The following CDC42BPA variants were observed in gnomAD, a reference collection of about 807,000 sequenced individuals.
The protein encoded by CDC42BPA is CDC42 binding protein kinase alpha, also known as serine/threonine-protein kinase MRCK alpha.
CDC42BPA carries 80 observed loss-of-function variants against 223.5 expected under a neutral mutation model. That is an observed-to-expected ratio of 0.36 (90% CI 0.30 to 0.43). CDC42BPA has a LOEUF of 0.43. Among genes scored for constraint, CDC42BPA ranks in the 20% least tolerant of loss-of-function variants. The probability of loss-of-function intolerance (pLI) is 1.00; values close to 1 mark genes in which losing one functional copy is unlikely to be tolerated. For missense variants in CDC42BPA, 1,743 were observed against 2,099.9 expected (o/e 0.83, Z 3.32); for synonymous variants, 694 against 718.6 (o/e 0.97, Z 0.55).
intron 2 of CDC42BPA, among the ~76,000 whole-genome samples, chr1:227,237,179 G>C (rs1415030984): frequency 6.6e-6 from 1 of 152,060 alleles, no homozygotes; most frequent in Non-Finnish European, 1.5e-5. Flanking sequence ...ATTATCTGGG[G>C]AAGTTTAAGT....
chr1:227,196,009 C>T (rs1269879587), intron 4 of CDC42BPA, among the ~76,000 whole-genome samples: 4 of 151,978 alleles, frequency 2.6e-5, no homozygotes, highest in African/African-American at 9.7e-5. Flanking sequence ...TCAATAGTCA[C>T]TAGGGAAATG....
rs547171108 is a variant in CDC42BPA, at chr1:227,264,655, T to G, written c.179-10500A>C. On this transcript the variant is annotated intron_variant, in intron 1 of 36. Coordinates refer to ENST00000366766, the MANE Select transcript of CDC42BPA (RefSeq NM_001394014.1). ...ACATTAATTAATGTTGCCCTAAGTT[T>G]TACCAGTTTTAAAAATTTTTTAATT... is the stretch of plus-strand genomic sequence containing the variant. 6.6e-5 allele frequency: 37 copies of G among 557,100 alleles called. No individual in the cohort carries two copies. In the East Asian group the frequency reaches 1.1e-3, roughly 16 times the overall value. The allele number at this position is 557,100 out of a possible 1,614,324, so 34.5% of individuals were successfully genotyped here. A position where few individuals can be genotyped will look rare whatever the true frequency, so the allele number is the denominator to read the frequency against.
rs537137420 is a variant in CDC42BPA at position 227,020,389 on chromosome 1, G to T, written c.4615+2874C>A. Among the ~76,000 whole-genome samples the T allele has an allele frequency of 2.6e-5, 4 of 152,336 alleles. No individual in the cohort carries two copies. The South Asian group carries it at 8.3e-4, about 32-fold the overall frequency. The stretch of plus-strand genomic sequence containing the variant: ...TACAGAAGTCTGTTTTAGCTAAACT[G>T]AATTTCGTATTGTTCAGTGTAGCCA... On this transcript the variant is annotated intron_variant, in intron 32 of 36. Coordinates refer to ENST00000366766, the MANE Select transcript of CDC42BPA (RefSeq NM_001394014.1).
intron 5 of CDC42BPA, among the ~76,000 whole-genome samples, chr1:227,174,987 A>C (rs997291860): frequency 2.6e-5 from 4 of 152,180 alleles, no homozygotes; most frequent in Non-Finnish European, 5.9e-5. Context: ...ATTTTAAAAT[A>C]TAATTTCCAT....
At chr1:227,146,157 G>A (rs933265380) in intron 7 of CDC42BPA, among the ~76,000 whole-genome samples, 2 of 151,920 alleles carry the variant, frequency 1.3e-5, no homozygotes, top group Admixed American at 6.6e-5. Flanking sequence ...TTTAAAGTAC[G>A]TTACTCATTT....
intron 10 of CDC42BPA, among the ~76,000 whole-genome samples, chr1:227,138,524 C>CAAAAAAAAAAAAAAA (rs61617075): frequency 3.1e-5 from 3 of 96,136 alleles, no homozygotes; most frequent in Non-Finnish European, 4.1e-5. Context: ...CCCCAGAAGC[C>CAAAAAAAAAAAAAAA]AAAAAAAAAA....
At chr1:227,153,708 GAC>G (rs1160440816) in intron 6 of CDC42BPA, among the ~76,000 whole-genome samples, 1 of 151,740 alleles carries the variant, frequency 6.6e-6, no homozygotes, top group Non-Finnish European at 1.5e-5. Context: ...AAGTCCAACA[GAC>G]CTATAATCAT....
chr1:227,048,550 T>C (rs1672919088), intron 22 of CDC42BPA, among the ~76,000 whole-genome samples: 1 of 151,734 alleles, frequency 6.6e-6, no homozygotes, highest in Non-Finnish European at 1.5e-5. Flanking sequence ...TTAATTTTAT[T>C]GTAATTATTT....
chr1:226,994,426 T>A lies in CDC42BPA; in HGVS notation c.5134-27A>T, dbSNP rs1466140050. On this transcript the variant is annotated intron_variant, in intron 36 of 36. Transcript: ENST00000366766. The surrounding 1 kb of genome is among the most constrained non-coding windows in gnomAD (Gnocchi z 4.0). ...TGTAAGGCCCAAAGTAAAACATTAATGAGAAGGAGGGGGAGAAAGGGAGGC... is the reference window on the plus strand; with the variant it reads ...TGTAAGGCCCAAAGTAAAACATTAAAGAGAAGGAGGGGGAGAAAGGGAGGC... 1.0e-5 allele frequency: 15 copies of A among 1,475,524 alleles called. No individual in the cohort carries two copies. Among genetic ancestry groups the A allele is most frequent in the African/African-American group, 1.4e-5 (1 of 70,302 alleles). 91.4% of individuals were successfully genotyped at this position (1,475,524 alleles called of 1,614,324 possible).
At chr1:227,102,407 T>C (rs1685200282) in intron 14 of CDC42BPA, among the ~76,000 whole-genome samples, 1 of 152,210 alleles carries the variant, frequency 6.6e-6, no homozygotes, top group Non-Finnish European at 1.5e-5. Context: ...GCAAGGCAGA[T>C]TCTTGCTCTG....
chr1:227,129,118 G>C lies in CDC42BPA; in HGVS notation c.1504C>G (p.Gln502Glu), dbSNP rs1571841522. 7.0e-7 allele frequency: 1 copy of C among 1,429,778 alleles called. No homozygotes were observed. The highest frequency in any genetic ancestry group is 9.8e-7 in the Non-Finnish European group (1 of 1,025,640). The allele number at this position is 1,429,778 out of a possible 1,614,324, so 88.6% of individuals were successfully genotyped here. ...AATCACAGATATTTACCTGTTACTT[G>C]TTTTCTTAGTTTTTCAATTTCTTCT... ...LKEEIEKLRK[Q>E]VTESSHLEQQ... Residue 502 changes from glutamine (Q) to glutamate (E), a missense_variant, in exon 11 of 37, where the codon CAA becomes GAA. Gln to Glu is a conservative substitution (Grantham distance 29, BLOSUM62 2). Coordinates refer to ENST00000366766, the MANE Select transcript of CDC42BPA (RefSeq NM_001394014.1).
At chr1:227,253,573 G>A (rs1215958983) in intron 2 of CDC42BPA, among the ~76,000 whole-genome samples, 1 of 151,586 alleles carries the variant, frequency 6.6e-6, no homozygotes, top group African/African-American at 2.4e-5. Context: ...TCCAGCCTGG[G>A]CAACAGAGGG....
chr1:227,297,967 T>TATATATATATAC (rs369403944), intron 1 of CDC42BPA, among the ~76,000 whole-genome samples: 8 of 132,078 alleles, frequency 6.1e-5, no homozygotes, highest in African/African-American at 2.3e-4. Context: ...TATATACATA[T>TATATATATATAC]ACACACACAC....
intron 32 of CDC42BPA, among the ~76,000 whole-genome samples, chr1:227,022,266 T>C (rs1444435739): frequency 6.6e-6 from 1 of 151,978 alleles, no homozygotes; most frequent in Non-Finnish European, 1.5e-5. Flanking sequence ...ACTCCATCTC[T>C]ACTAAAAATA....
At chr1:227,288,538 A>C (rs935862182) in intron 1 of CDC42BPA, among the ~76,000 whole-genome samples, 1 of 152,084 alleles carries the variant, frequency 6.6e-6, no homozygotes, top group African/African-American at 2.4e-5. Context: ...ATCTCTACTA[A>C]AAATACAAAA....
Position 227,237,768 on chromosome 1 carries a change from C to T in CDC42BPA, c.270+16296G>A, listed in dbSNP as rs147639912. ...TATTAAAAGTTTTATTGGCCAGGCG[C>T]GGGGGCTCATGCCTGTAATCCCAGC... On this transcript the variant is annotated intron_variant, in intron 2 of 36. Coordinates refer to ENST00000366766, the MANE Select transcript of CDC42BPA (RefSeq NM_001394014.1). Among the ~76,000 whole-genome samples the T allele has an allele frequency of 3.4e-4, 52 of 151,840 alleles. 1 individual carries two copies. The East Asian group carries it at 8.7e-3, about 25-fold the overall frequency.
At chr1:227,289,902 A>AG (rs1480895334) in intron 1 of CDC42BPA, among the ~76,000 whole-genome samples, 1 of 151,152 alleles carries the variant, frequency 6.6e-6, no homozygotes, top group Non-Finnish European at 1.5e-5. Flanking sequence ...AAAAAAAAAA[A>AG]AAGCTAGGCA....
intron 10 of CDC42BPA, among the ~76,000 whole-genome samples, chr1:227,136,578 G>A (rs767623596): frequency 6.6e-6 from 1 of 152,144 alleles, no homozygotes; most frequent in African/African-American, 2.4e-5. Context: ...TAAAGAAAGC[G>A]ACACGTACGT....
intron 1 of CDC42BPA, among the ~76,000 whole-genome samples, chr1:227,314,751 T>TGGTGGCGCGCGCCTGTAGTCCCAGC (rs770546467): frequency 4.5e-4 from 54 of 121,332 alleles, no homozygotes; most frequent in African/African-American, 6.9e-4. Context: ...CAAATAGTCT[T>TGGTGGCGCGCGCCTGTAGTCCCAGC]TTAAAGATTT....
Sources: allele counts gnomAD v4.1 joint callset (sites outside exome capture counted in the v4.1 genomes callset), GRCh38; gene constraint gnomAD v4.1.1; non-coding constraint Gnocchi (gnomAD v3.1); transcripts MANE v1.5; gene names NCBI Gene and HGNC (gene_info 2026-07-23, HGNC 2026-07-21).